The following DDX60L variants were observed in gnomAD, a reference collection of about 807,000 sequenced individuals.
DDX60L encodes DExD/H-box 60 like, also known as probable ATP-dependent RNA helicase DDX60-like.
DDX60L carries 191 observed loss-of-function variants against 211.6 expected under a neutral mutation model. That is an observed-to-expected ratio of 0.90 (90% CI 0.80 to 1.02). The LOEUF (loss-of-function observed/expected upper bound fraction) is 1.02. DDX60L is among the 50% of genes least tolerant of loss of function. The pLI is 0.00. For synonymous variants in DDX60L, 706 were observed against 694.1 expected (o/e 1.02, Z -0.27); for missense variants, 2,007 against 1,984.1 (o/e 1.01, Z -0.22).
chr4:168,361,283 T>G (rs543214731), intron 36 of DDX60L, 72 bp from the exon 37 acceptor site: 236 of 1,005,828 alleles, frequency 2.3e-4, no homozygotes, highest in Non-Finnish European at 3.4e-4. Flanking sequence ...CAAACTTTAA[T>G]AGTGGTCTGT....
At chr4:168,393,656 A>G (rs1745248427) in intron 28 of DDX60L, among the ~76,000 whole-genome samples, 1 of 152,174 alleles carries the variant, frequency 6.6e-6, no homozygotes, top group Admixed American at 6.5e-5. Flanking sequence ...GCCATCTAAG[A>G]TGTCCTTACC....
Position 168,427,251 on chromosome 4 carries a change from A to C in DDX60L, c.1749T>G (p.Ala583=), listed in dbSNP as rs1274087926. Residue 583 remains alanine, a synonymous_variant, in exon 14 of 38, where the codon GCT becomes GCG. Coordinates refer to ENST00000682922, the MANE Select transcript of DDX60L (RefSeq NM_001012967.3). ...AAAACAGCAGATCATCGTTTTGCTG[A>C]GCTTTGTTCTGATCTTCTTTGAGAA... ...KSFLKEDQNK[A]QQNDDLLFSI... The C allele has an allele frequency of 6.2e-7, 1 of 1,613,730 alleles. No homozygotes were observed. Among genetic ancestry groups the C allele is most frequent in the South Asian group, 1.1e-5 (1 of 91,068 alleles).
In DDX60L at chr4:168,453,031, G is replaced by T. The variant is rs538162422; in HGVS notation, c.996+93C>A. 8.6e-6 allele frequency: 11 copies of T among 1,280,502 alleles called. No individual in the cohort carries two copies. In the East Asian group the frequency reaches 2.7e-4, roughly 31 times the overall value. 79.3% of individuals were successfully genotyped at this position (1,280,502 alleles called of 1,614,324 possible). A position where few individuals can be genotyped will look rare whatever the true frequency, so the allele number is the denominator to read the frequency against. On this transcript the variant is annotated intron_variant, in intron 8 of 37. Coordinates refer to ENST00000682922, the MANE Select transcript of DDX60L (RefSeq NM_001012967.3). ...AGGAACTTGATTTATCAGCTAATTA[G>T]ATCTGGCATTATTCCAATATAACTC...
chr4:168,442,782 G>C (rs1245137985), intron 9 of DDX60L, among the ~76,000 whole-genome samples: 2 of 150,824 alleles, frequency 1.3e-5, no homozygotes, highest in Non-Finnish European at 3.0e-5. Context: ...CACCTCACAC[G>C]GCAGGGTACT....
At chr4:168,450,060 C>T (rs968838535) in intron 8 of DDX60L, among the ~76,000 whole-genome samples, 4 of 152,066 alleles carry the variant, frequency 2.6e-5, no homozygotes, top group South Asian at 2.1e-4. Context: ...CCTGGGGACT[C>T]GGCGGCCCAT....
At chr4:168,376,732 T>A in intron 33 of DDX60L, among the ~76,000 whole-genome samples, 1 of 152,202 alleles carries the variant, frequency 6.6e-6, no homozygotes, top group East Asian at 1.9e-4. Context: ...ACGTGCTGCT[T>A]ACCATGTACA....
chr4:168,478,210 A>G (rs1481461202), intron 1 of DDX60L, among the ~76,000 whole-genome samples: 1 of 151,972 alleles, frequency 6.6e-6, no homozygotes, highest in African/African-American at 2.4e-5. Context: ...GAAAAAAAAC[A>G]CCTTGCTCAA....
intron 6 of DDX60L, among the ~76,000 whole-genome samples, chr4:168,457,431 C>A (rs563963558): frequency 7.0e-6 from 1 of 143,484 alleles, no homozygotes; most frequent in Non-Finnish European, 1.5e-5. Context: ...CACCTTTTAC[C>A]GCTTGAGCAT....
intron 8 of DDX60L, among the ~76,000 whole-genome samples, chr4:168,449,651 G>GA (rs1561098576): frequency 6.7e-4 from 5 of 7,510 alleles, no homozygotes; most frequent in African/African-American, 9.0e-4. Flanking sequence ...AAAAAAAAAT[G>GA]CAAAAAAAAA....
chr4:168,376,203 A>G (rs1270519397), intron 33 of DDX60L, among the ~76,000 whole-genome samples: 1 of 152,134 alleles, frequency 6.6e-6, no homozygotes. Context: ...TGTTACAATT[A>G]TGGGTTTTAT....
chr4:168,373,436 G>GA (rs1189700029), intron 35 of DDX60L, among the ~76,000 whole-genome samples: 5 of 152,138 alleles, frequency 3.3e-5, no homozygotes, highest in African/African-American at 1.2e-4. Flanking sequence ...AAAAAAATGA[G>GA]AAAAAACAGT....
Position 168,378,468 on chromosome 4 carries a change from T to A in DDX60L, c.4371A>T (p.Gln1457His). 6.4e-7 allele frequency: 1 copy of A among 1,567,550 alleles called. No homozygotes were observed. The highest frequency in any genetic ancestry group is 1.9e-5 in the Admixed American group (1 of 53,530). ...TTTCCATCACATCTTGGGAAAATTG[T>A]TGTGAGCCTATTGAAATAAAGAGCA... ...NLCKPAWKGSQQFSQDVMEKL... is the reference protein window; with the variant it reads ...NLCKPAWKGSHQFSQDVMEKL... Residue 1457 changes from glutamine to histidine, a missense_variant, in exon 33 of 38, where the codon CAA becomes CAT. Gln to His is a conservative substitution (Grantham distance 24). Transcript: ENST00000682922.
intron 1 of DDX60L, among the ~76,000 whole-genome samples, chr4:168,477,394 G>A (rs1446485324): frequency 6.6e-6 from 1 of 151,098 alleles, no homozygotes; most frequent in East Asian, 1.9e-4. Flanking sequence ...CAGCCTGGGC[G>A]ACAGAGCAAG....
At chr4:168,403,943 C>T (rs4605614) in intron 25 of DDX60L, 39 bp downstream of exon 25, 1 of 1,289,880 alleles carries the variant, frequency 7.8e-7, no homozygotes, top group Non-Finnish European at 1.0e-6. Flanking sequence ...AAAAAATTCT[C>T]ACATATAAAC....
At position 168,433,990 on chromosome 4, in the gene DDX60L, T is replaced by C. The variant is rs766455960; in HGVS notation, c.1295-875A>G. On this transcript the variant is annotated intron_variant, in intron 10 of 37. Transcript: ENST00000682922. ...TTTCATTACCATCTTGCTTTTATTG[T>C]TATTGTGGAGAAGTCTGCTAGCAAT... 5.6e-4 allele frequency among the ~76,000 whole-genome samples: 85 copies of C among 152,206 alleles called. 3 individuals are homozygous for C. Among genetic ancestry groups the C allele is most frequent in the Non-Finnish European group, 7.3e-5 (5 of 68,032 alleles).
In DDX60L at chr4:168,361,482, A is replaced by G. The variant is rs186632943; in HGVS notation, c.4929-271T>C. 1.1e-4 allele frequency: 27 copies of G among 247,636 alleles called. No homozygotes were observed. In the East Asian group the frequency reaches 2.0e-3, roughly 18 times the overall value. The allele number at this position is 247,636 out of a possible 1,614,324, so 15.3% of individuals were successfully genotyped here. ...GAAGGGTCAATGAGGACTACAGATTAAAGTGAAAACAAAACAAGTTGATAG... is the reference window on the plus strand; with the variant it reads ...GAAGGGTCAATGAGGACTACAGATTGAAGTGAAAACAAAACAAGTTGATAG... On this transcript the variant is annotated intron_variant, in intron 36 of 37. Transcript: ENST00000682922.
intron 22 of DDX60L, among the ~76,000 whole-genome samples, chr4:168,414,026 T>A (rs949134089): frequency 3.9e-5 from 6 of 152,124 alleles, no homozygotes; most frequent in South Asian, 2.1e-4. Context: ...CTCCTATATG[T>A]CTGGCAGCAG....
At chr4:168,399,654 A>G (rs372639160) in intron 26 of DDX60L, among the ~76,000 whole-genome samples, 1 of 152,220 alleles carries the variant, frequency 6.6e-6, no homozygotes, top group East Asian at 1.9e-4. Flanking sequence ...AAGAATGCCA[A>G]ATAACAAATG....
At chr4:168,420,883 G>A (rs1256968861) in intron 17 of DDX60L, among the ~76,000 whole-genome samples, 1 of 152,080 alleles carries the variant, frequency 6.6e-6, no homozygotes, top group East Asian at 1.9e-4. Flanking sequence ...GCCTAAAAGA[G>A]GCAAAGAGCC....
Sources: gnomAD v4.1 joint callset for allele counts (sites outside exome capture counted in the v4.1 genomes callset) on GRCh38, gnomAD v4.1.1 for gene constraint, MANE v1.5 for transcripts, NCBI Gene and HGNC (gene_info 2026-07-23, HGNC 2026-07-21) for gene names.